FHIT: variants seen among roughly 807,000 people sequenced by gnomAD.
FHIT encodes the protein fragile histidine triad diadenosine triphosphatase, also known as bis(5'-adenosyl)-triphosphatase.
A neutral mutation model predicts 17.9 loss-of-function variants in FHIT; 19 were observed. The observed-to-expected ratio is 1.06, with a 90% CI of 0.74 to 1.56. FHIT has a LOEUF of 1.56. FHIT is among the 40% of genes most tolerant of loss of function. The probability of loss-of-function intolerance (pLI) is 0.00; values close to 1 mark genes in which losing one functional copy is unlikely to be tolerated. For synonymous variants in FHIT, 81 were observed against 69.7 expected, an observed-to-expected ratio of 1.16 and a Z score of -0.81; for missense variants, 248 against 189.2, an observed-to-expected ratio of 1.31 and a Z score of -1.82.
At chr3:59,941,319 A>G (rs1000639612) in intron 7 of FHIT, among the ~76,000 whole-genome samples, 2 of 152,210 alleles carry the variant, frequency 1.3e-5, no homozygotes, top group African/African-American at 4.8e-5. Context: ...CATATGAGCC[A>G]CAATGCAGGT....
intron 8 of FHIT, among the ~76,000 whole-genome samples, chr3:59,785,036 C>T (rs778846823): frequency 1.3e-5 from 2 of 151,880 alleles, no homozygotes; most frequent in Non-Finnish European, 2.9e-5. Flanking sequence ...TCACATGGCC[C>T]GAGCAACAAG....
intron 4 of FHIT, among the ~76,000 whole-genome samples, chr3:60,790,027 A>G (rs913722002): frequency 6.6e-6 from 1 of 152,228 alleles, no homozygotes; most frequent in Non-Finnish European, 1.5e-5. Context: ...AATTAAAGAC[A>G]ATTTACATAT....
intron 5 of FHIT, among the ~76,000 whole-genome samples, chr3:60,422,348 C>T (rs1238132336): frequency 6.6e-6 from 1 of 152,136 alleles, no homozygotes; most frequent in East Asian, 1.9e-4. Flanking sequence ...CCCTGCAATG[C>T]TTGGAATCAA....
rs146846098 is a variant in FHIT at position 60,926,470 on chromosome 3, G to C, written c.-110-104459C>G. ...CCTGAATGACTACTGGGTACGTCGC[G>C]AAATGAAGACAGAAATAAAGACGTT... On this transcript the variant is annotated intron_variant, in intron 3 of 9. Transcript: ENST00000492590. 2.6e-3 allele frequency among the ~76,000 whole-genome samples: 402 copies of C among 152,230 alleles called. 1 individual carries two copies. The highest frequency in any genetic ancestry group is 4.9e-3 in the Non-Finnish European group (332 of 68,016).
At chr3:60,415,013 CAG>C (rs1234347908) in intron 5 of FHIT, among the ~76,000 whole-genome samples, 1 of 151,740 alleles carries the variant, frequency 6.6e-6, no homozygotes, top group Non-Finnish European at 1.5e-5. Context: ...GAGCCATCCT[CAG>C]AGTTTCTGAT....
At chr3:61,220,818 T>C (rs1337864946) in intron 1 of FHIT, among the ~76,000 whole-genome samples, 1 of 152,220 alleles carries the variant, frequency 6.6e-6, no homozygotes, top group African/African-American at 2.4e-5. Flanking sequence ...TTTTCATTCA[T>C]TCTCTTAATT....
intron 5 of FHIT, among the ~76,000 whole-genome samples, chr3:60,533,471 G>A (rs1451213594): frequency 6.6e-6 from 1 of 152,354 alleles, no homozygotes; most frequent in African/African-American, 2.4e-5. Flanking sequence ...ACGTACTTTG[G>A]ATATGAGGCA....
At chr3:60,629,546 C>T (rs1208024314) in intron 4 of FHIT, among the ~76,000 whole-genome samples, 2 of 152,174 alleles carry the variant, frequency 1.3e-5, no homozygotes, top group East Asian at 3.8e-4. Flanking sequence ...CTTATTACTG[C>T]AGGAAAGCCT....
At chr3:60,227,868 GT>G (rs1332246716) in intron 5 of FHIT, among the ~76,000 whole-genome samples, 1 of 152,012 alleles carries the variant, frequency 6.6e-6, no homozygotes, top group African/African-American at 2.4e-5. Context: ...GTTAATTATT[GT>G]TTTTCATTTC....
intron 5 of FHIT, among the ~76,000 whole-genome samples, chr3:60,433,575 T>C (rs992312514): frequency 9.2e-5 from 14 of 152,184 alleles, no homozygotes; most frequent in African/African-American, 3.1e-4. Context: ...TTACCAGCAC[T>C]TGGGTTTTGG....
At chr3:60,173,911 A>ATTTTT (rs1559698600) in intron 5 of FHIT, among the ~76,000 whole-genome samples, 2 of 69,642 alleles carry the variant, frequency 2.9e-5, no homozygotes, top group Non-Finnish European at 2.7e-5. Context: ...ATATATATAT[A>ATTTTT]TATATGTTTT....
intron 4 of FHIT, among the ~76,000 whole-genome samples, chr3:60,744,141 C>A (rs934665052): frequency 1.1e-4 from 16 of 151,714 alleles, no homozygotes; most frequent in Admixed American, 2.6e-4. Flanking sequence ...ATTTCAATGC[C>A]TGGTAAAGCT....
At chr3:59,805,048 G>C (rs1700142578) in intron 8 of FHIT, among the ~76,000 whole-genome samples, 1 of 152,134 alleles carries the variant, frequency 6.6e-6, no homozygotes, top group African/African-American at 2.4e-5. Flanking sequence ...TCCAGGCCTT[G>C]GGTTTGTCTC....
intron 5 of FHIT, among the ~76,000 whole-genome samples, chr3:60,383,689 T>C (rs1387572178): frequency 6.6e-6 from 1 of 152,082 alleles, no homozygotes; most frequent in African/African-American, 2.4e-5. Flanking sequence ...CTTTCACAGA[T>C]GTCAAGCTTA....
At chr3:60,862,829 G>A (rs1387008225) in intron 3 of FHIT, among the ~76,000 whole-genome samples, 4 of 148,786 alleles carry the variant, frequency 2.7e-5, no homozygotes, top group Non-Finnish European at 4.4e-5. Flanking sequence ...TCCAGCTTGG[G>A]CGACAGAGTG....
At chr3:61,050,412 A>C (rs2033982608) in intron 2 of FHIT, among the ~76,000 whole-genome samples, 3 of 152,204 alleles carry the variant, frequency 2.0e-5, no homozygotes, top group Admixed American at 2.0e-4. Flanking sequence ...TCTCTTTTAG[A>C]TTCTGACTTG....
At chr3:59,923,778 G>A (rs1000889809) in intron 7 of FHIT, among the ~76,000 whole-genome samples, 1 of 152,134 alleles carries the variant, frequency 6.6e-6, no homozygotes, top group African/African-American at 2.4e-5. Flanking sequence ...TCAAGAGAAC[G>A]TAAGATTTAA....
intron 5 of FHIT, among the ~76,000 whole-genome samples, chr3:60,143,865 G>A (rs894201084): frequency 1.3e-5 from 2 of 152,086 alleles, no homozygotes; most frequent in East Asian, 3.9e-4. Context: ...TTAAATAAAG[G>A]TTGAGGTCAT....
intron 5 of FHIT, among the ~76,000 whole-genome samples, chr3:60,115,343 A>C (rs1704906546): frequency 6.6e-6 from 1 of 152,182 alleles, no homozygotes; most frequent in Non-Finnish European, 1.5e-5. Context: ...TTAGAAAACT[A>C]AATTTAAAGC....
Sources: gnomAD v4.1 joint callset for allele counts (sites outside exome capture counted in the v4.1 genomes callset) on GRCh38, gnomAD v4.1.1 for gene constraint, MANE v1.5 for transcripts, NCBI Gene and HGNC (gene_info 2026-07-23, HGNC 2026-07-21) for gene names.